The following SRD5A2 variants were observed in gnomAD, a reference collection of about 807,000 sequenced individuals.
The protein encoded by SRD5A2 is 3-oxo-5-alpha-steroid 4-dehydrogenase 2.
Under a neutral mutation model 27.4 loss-of-function variants are expected in SRD5A2, and 30 were observed. The ratio of observed to expected loss-of-function variants is 1.10; its 90% CI spans 0.82 to 1.49. The LOEUF is 1.49. SRD5A2 is among the 40% of genes most tolerant of loss of function. SRD5A2 has a pLI of 0.00. For missense variants in SRD5A2, 348 were observed against 323.4 expected (o/e 1.08, Z -0.58); for synonymous variants, 141 against 133.6 (o/e 1.06, Z -0.38).
chr2:31,645,825 T>C, the SRD5A2 span, among the ~76,000 whole-genome samples: 1 of 152,190 alleles, frequency 6.6e-6, no homozygotes, highest in Non-Finnish European at 1.5e-5. Flanking sequence ...TTGATGTGTT[T>C]AGGTGTGTGT....
the SRD5A2 span, among the ~76,000 whole-genome samples, chr2:31,593,099 G>A: frequency 6.6e-6 from 1 of 152,044 alleles, no homozygotes; most frequent in Admixed American, 6.6e-5. Context: ...ATCACACTCT[G>A]GGGACTGTTG....
At chr2:31,581,191 T>C, upstream of SRD5A2, 1 of 449,376 alleles carries the variant, frequency 2.2e-6, no homozygotes, top group Non-Finnish European at 3.9e-6. Flanking sequence ...CCATGACTTG[T>C]TCCTCAACTA....
rs1665763658 is a variant in SRD5A2, at chr2:31,525,810, T to C, written c.*386A>G. 1 of 249,118 alleles carries C rather than the reference T, an allele frequency of 4.0e-6. No individual in the cohort carries two copies. Among genetic ancestry groups the C allele is most frequent in the African/African-American group, 2.2e-5 (1 of 45,828 alleles). 15.4% of individuals were successfully genotyped at this position (249,118 alleles called of 1,614,324 possible). A position where few individuals can be genotyped will look rare whatever the true frequency, so the allele number is the denominator to read the frequency against. ...GCATACCTTTAATAAGGTCTATAAGTACTGCCTTCAAGTCAAAAAATTCTT... is the reference window on the plus strand; with the variant it reads ...GCATACCTTTAATAAGGTCTATAAGCACTGCCTTCAAGTCAAAAAATTCTT... On this transcript the variant is annotated 3_prime_UTR_variant, in exon 5 of 5. Transcript: ENST00000622030.
the SRD5A2 span, among the ~76,000 whole-genome samples, chr2:31,586,115 T>C: frequency 2.0e-5 from 3 of 152,202 alleles, no homozygotes; most frequent in Non-Finnish European, 4.4e-5. Context: ...AAGTTCTTAG[T>C]GGTGATTTCT....
At chr2:31,554,279 G>GA (rs1196899973) in intron 1 of SRD5A2, among the ~76,000 whole-genome samples, 3 of 151,940 alleles carry the variant, frequency 2.0e-5, no homozygotes, top group African/African-American at 7.2e-5. Context: ...CTAACTCCCT[G>GA]AAAAAAAAGT....
At chr2:31,546,259 A>G (rs945597463) in intron 1 of SRD5A2, among the ~76,000 whole-genome samples, 2 of 152,184 alleles carry the variant, frequency 1.3e-5, no homozygotes, top group Admixed American at 6.5e-5. Context: ...ACAATTTTGA[A>G]AAAGGAGAAA....
chr2:31,575,904 A>T (rs995795230), intron 1 of SRD5A2, among the ~76,000 whole-genome samples: 27 of 152,240 alleles, frequency 1.8e-4, no homozygotes, highest in Non-Finnish European at 2.8e-4. Context: ...CACTGTATGG[A>T]ACACCAAGAC....
chr2:31,531,314 C>T (rs1340693197), intron 3 of SRD5A2, 57 bp downstream of exon 3: 4 of 1,285,008 alleles, frequency 3.1e-6, no homozygotes. Context: ...ACCATAGCAT[C>T]ATCCCTGGGA....
intron 1 of SRD5A2, among the ~76,000 whole-genome samples, chr2:31,555,537 C>A (rs1210298273): frequency 6.6e-6 from 1 of 152,126 alleles, no homozygotes; most frequent in Non-Finnish European, 1.5e-5. Context: ...GTACAGTTGT[C>A]TTGCCAGTAC....
At chr2:31,617,249 G>C in the SRD5A2 span, among the ~76,000 whole-genome samples, 1 of 152,124 alleles carries the variant, frequency 6.6e-6, no homozygotes, top group African/African-American at 2.4e-5. Context: ...CTGAAAGCCT[G>C]AGCTGTACGT....
the SRD5A2 span, among the ~76,000 whole-genome samples, chr2:31,639,278 T>C: frequency 3.2e-3 from 494 of 152,200 alleles, 3 homozygotes; most frequent in African/African-American, 0.011. Flanking sequence ...GTTTACATAT[T>C]ATTATAGTAC....
chr2:31,585,594 T>C (rs1228427967), upstream of SRD5A2, among the ~76,000 whole-genome samples: 1 of 152,104 alleles, frequency 6.6e-6, no homozygotes, highest in African/African-American at 2.4e-5. Context: ...GACCCAGTCA[T>C]GGCAGCGTTC....
the SRD5A2 span, among the ~76,000 whole-genome samples, chr2:31,658,237 G>A: frequency 6.6e-6 from 1 of 152,032 alleles, no homozygotes; most frequent in Non-Finnish European, 1.5e-5. Flanking sequence ...GTGTTAAGAG[G>A]AAAGTTTATA....
upstream of SRD5A2, chr2:31,581,153 A>C: frequency 1.9e-6 from 1 of 527,748 alleles, no homozygotes. Context: ...CCACGGCTTT[A>C]CATTCACCTC....
chr2:31,632,277 G>T, the SRD5A2 span, among the ~76,000 whole-genome samples: 46 of 152,272 alleles, frequency 3.0e-4, no homozygotes, highest in African/African-American at 9.9e-4. Flanking sequence ...CAGGCAAGTG[G>T]ACTTTGGTGG....
chr2:31,597,761 T>C, the SRD5A2 span, among the ~76,000 whole-genome samples: 11 of 152,106 alleles, frequency 7.2e-5, no homozygotes, highest in Non-Finnish European at 1.3e-4. Flanking sequence ...AATACCACCT[T>C]ACTCCAGCAA....
intron 1 of SRD5A2, among the ~76,000 whole-genome samples, chr2:31,561,805 T>G (rs901343813): frequency 6.6e-6 from 1 of 152,120 alleles, no homozygotes; most frequent in Admixed American, 6.5e-5. Flanking sequence ...TTAAAAAAAT[T>G]TTTAATACCC....
chr2:31,524,345 C>A lies in SRD5A2; in HGVS notation c.*1851G>T. On this transcript the variant is annotated 3_prime_UTR_variant, in exon 5 of 5. Transcript: ENST00000622030. ...CATCTAACCTCATGACGTTTTCCTG[C>A]ACCTTTATTGTACTTCCTTGTAGTT... 4.4e-6 allele frequency: 1 copy of A among 225,292 alleles called. No individual in the cohort carries two copies. The highest frequency in any genetic ancestry group is 8.8e-6 in the Non-Finnish European group (1 of 113,016). 14.0% of individuals were successfully genotyped at this position (225,292 alleles called of 1,614,324 possible).
chr2:31,570,873 G>A (rs750147991), intron 1 of SRD5A2, among the ~76,000 whole-genome samples: 1 of 152,032 alleles, frequency 6.6e-6, no homozygotes, highest in African/African-American at 2.4e-5. Context: ...AAAGAAATCA[G>A]AGATGACACA....
Sources: gnomAD v4.1 joint callset for allele counts (sites outside exome capture counted in the v4.1 genomes callset) on GRCh38, gnomAD v4.1.1 for gene constraint, MANE v1.5 for transcripts, NCBI Gene and HGNC (gene_info 2026-07-23, HGNC 2026-07-21) for gene names.